Variants in SAMD5 observed in about 807,000 individuals in gnomAD.
SAMD5 encodes sterile alpha motif domain-containing protein 5.
Under a neutral mutation model 11.3 loss-of-function variants are expected in SAMD5, and 13 were observed. That is an observed-to-expected ratio of 1.15 (90% CI 0.75 to 1.83). The LOEUF (loss-of-function observed/expected upper bound fraction) is 1.83, where lower values mean the gene tolerates loss of function less well. Among genes scored for constraint, SAMD5 ranks in the 40% most tolerant of loss-of-function variants. SAMD5 has a pLI of 0.00. For synonymous variants in SAMD5, 129 were observed against 111.3 expected, an observed-to-expected ratio of 1.16 and a Z score of -1.00; for missense variants, 255 against 239.1, an observed-to-expected ratio of 1.07 and a Z score of -0.44.
At chr6:147,598,339 G>T (rs1051884392) in intron 1 of SAMD5, among the ~76,000 whole-genome samples, 1 of 152,000 alleles carries the variant, frequency 6.6e-6, no homozygotes, top group African/African-American at 2.4e-5. Flanking sequence ...TTCCCAGCTG[G>T]TCTCCAACTT....
chr6:147,807,799 G>C, the SAMD5 span, among the ~76,000 whole-genome samples: 198 of 152,214 alleles, frequency 1.3e-3, 1 homozygote, highest in African/African-American at 4.5e-3. Context: ...CAATGTATTT[G>C]CATAAGGGCA....
the SAMD5 span, among the ~76,000 whole-genome samples, chr6:147,887,764 CTG>C: frequency 2.6e-5 from 4 of 152,128 alleles, no homozygotes; most frequent in Non-Finnish European, 5.9e-5. Flanking sequence ...TTTTTCAAAA[CTG>C]TTGTACCATT....
chr6:147,523,536 A>G (rs1346514350), intron 1 of SAMD5, among the ~76,000 whole-genome samples: 3 of 152,224 alleles, frequency 2.0e-5, no homozygotes, highest in Admixed American at 6.5e-5. Flanking sequence ...CAATGTATCA[A>G]TACAGAATGG....
intron 1 of SAMD5, among the ~76,000 whole-genome samples, chr6:147,708,537 GC>G (rs1280291845): frequency 6.6e-6 from 1 of 152,182 alleles, no homozygotes; most frequent in Non-Finnish European, 1.5e-5. Flanking sequence ...AAGACACTCA[GC>G]AAATGGGAGC....
the SAMD5 span, among the ~76,000 whole-genome samples, chr6:147,873,935 T>G: frequency 6.6e-6 from 1 of 152,200 alleles, no homozygotes; most frequent in Admixed American, 6.5e-5. Flanking sequence ...AGCAGCAAAC[T>G]TATACATAGG....
At chr6:147,745,814 T>C in the SAMD5 span, among the ~76,000 whole-genome samples, 113 of 149,544 alleles carry the variant, frequency 7.6e-4, no homozygotes, top group Non-Finnish European at 1.5e-3. Context: ...GATTTCCCTC[T>C]ATCACCCCGG....
downstream of SAMD5, among the ~76,000 whole-genome samples, chr6:147,739,802 T>C (rs1043804829): frequency 3.6e-4 from 55 of 152,120 alleles, no homozygotes; most frequent in African/African-American, 1.3e-3. Flanking sequence ...GTTAATTTTA[T>C]TTGTATTTTC....
chr6:147,754,345 G>GTA, the SAMD5 span, among the ~76,000 whole-genome samples: 1 of 66,136 alleles, frequency 1.5e-5, no homozygotes, highest in Non-Finnish European at 3.1e-5. Context: ...CCATTTGTAT[G>GTA]TCTTTTTTTT....
the SAMD5 span, among the ~76,000 whole-genome samples, chr6:147,942,840 T>C: frequency 6.1e-5 from 9 of 147,424 alleles, no homozygotes; most frequent in Admixed American, 2.1e-4. Flanking sequence ...TTTTTTTTTT[T>C]CTGAGATGGA....
chr6:147,806,977 A>C, the SAMD5 span, among the ~76,000 whole-genome samples: 5 of 129,690 alleles, frequency 3.9e-5, no homozygotes, highest in East Asian at 9.6e-4. Flanking sequence ...GGGGAGTAAA[A>C]GATCTGCAGG....
chr6:147,617,497 C>A (rs144315290), intron 1 of SAMD5, among the ~76,000 whole-genome samples: 2 of 152,346 alleles, frequency 1.3e-5, no homozygotes, highest in African/African-American at 4.8e-5. Flanking sequence ...ACTCTTGAAT[C>A]TAAGCTGCAG....
intron 1 of SAMD5, among the ~76,000 whole-genome samples, chr6:147,518,851 C>A (rs1458048192): frequency 6.6e-6 from 1 of 152,156 alleles, no homozygotes; most frequent in East Asian, 1.9e-4. Flanking sequence ...CTGATTTGGA[C>A]TTGGGGAGGC....
chr6:147,556,341 C>T (rs901007828), intron 1 of SAMD5, among the ~76,000 whole-genome samples: 3 of 152,228 alleles, frequency 2.0e-5, no homozygotes, highest in African/African-American at 7.2e-5. Context: ...ATCCACCTGC[C>T]TCAGCCTCCC....
At chr6:147,750,699 G>A in the SAMD5 span, among the ~76,000 whole-genome samples, 5 of 152,326 alleles carry the variant, frequency 3.3e-5, no homozygotes, top group East Asian at 9.7e-4. Context: ...CCAAGGCGGT[G>A]GATCACTAGA....
the SAMD5 span, among the ~76,000 whole-genome samples, chr6:147,909,294 A>G: frequency 2.0e-5 from 3 of 152,066 alleles, no homozygotes; most frequent in Non-Finnish European, 4.4e-5. Context: ...GCTTTTGTAC[A>G]GTAAAGTCCT....
At chr6:147,945,828 C>T in the SAMD5 span, among the ~76,000 whole-genome samples, 1 of 152,084 alleles carries the variant, frequency 6.6e-6, no homozygotes, top group Non-Finnish European at 1.5e-5. Context: ...TTGTGCCAGG[C>T]ACTAGGGTTA....
the SAMD5 span, among the ~76,000 whole-genome samples, chr6:147,884,301 C>T: frequency 3.3e-5 from 5 of 151,982 alleles, no homozygotes; most frequent in Admixed American, 6.6e-5. Flanking sequence ...GCGTGTAATA[C>T]GTTTCCTTTG....
At chr6:147,627,781 CG>C (rs1444299585) in intron 1 of SAMD5, among the ~76,000 whole-genome samples, 1 of 151,958 alleles carries the variant, frequency 6.6e-6, no homozygotes, top group Non-Finnish European at 1.5e-5. Flanking sequence ...CATTGCTCGC[CG>C]TATACCTGGA....
chr6:147,549,715 G>A (rs1328456266), intron 1 of SAMD5, among the ~76,000 whole-genome samples: 2 of 151,794 alleles, frequency 1.3e-5, no homozygotes, highest in Non-Finnish European at 1.5e-5. Flanking sequence ...TTGTTTACTG[G>A]GAGAACATGA....
Sources: allele counts gnomAD v4.1 joint callset (sites outside exome capture counted in the v4.1 genomes callset), GRCh38; gene constraint gnomAD v4.1.1; transcripts MANE v1.5; gene names NCBI Gene and HGNC (gene_info 2026-07-23, HGNC 2026-07-21).